Variants in TAS2R1 observed in about 807,000 individuals in gnomAD.
TAS2R1 encodes the protein taste 2 receptor member 1.
For missense variants in TAS2R1, 370 were observed against 353.4 expected, an observed-to-expected ratio of 1.05 and a Z score of -0.38; for synonymous variants, 141 against 134.2, an observed-to-expected ratio of 1.05 and a Z score of -0.35.
intron 1 of TAS2R1, among the ~76,000 whole-genome samples, chr5:9,667,921 C>G (rs146637429): frequency 1.3e-5 from 2 of 152,224 alleles, no homozygotes; most frequent in African/African-American, 4.8e-5. Flanking sequence ...TGGTTCTTAA[C>G]CAGGCTGAAA....
chr5:9,688,362 T>C (rs533761179), intron 1 of TAS2R1, among the ~76,000 whole-genome samples: 19 of 152,226 alleles, frequency 1.2e-4, no homozygotes, highest in Admixed American at 1.3e-4. Context: ...ACTACTATCA[T>C]GTAACAAAAG....
chr5:9,722,574 A>G, the TAS2R1 span, among the ~76,000 whole-genome samples: 1 of 152,220 alleles, frequency 6.6e-6, no homozygotes, highest in Non-Finnish European at 1.5e-5. Context: ...GCTAAGCTTC[A>G]GCATTGTGGG....
chr5:9,741,813 G>T, the TAS2R1 span, among the ~76,000 whole-genome samples: 50,684 of 151,958 alleles, frequency 0.33, 8,950 homozygotes, highest in East Asian at 0.41. Flanking sequence ...ATTCTTGAAG[G>T]TCGGTTTCTC....
the TAS2R1 span, among the ~76,000 whole-genome samples, chr5:9,897,594 T>A: frequency 6.6e-6 from 1 of 152,252 alleles, no homozygotes; most frequent in African/African-American, 2.4e-5. Context: ...TTGACTTCAA[T>A]AACTTTCCTG....
At chr5:9,711,923 C>T in intron 1 of TAS2R1, among the ~76,000 whole-genome samples, 1 of 151,506 alleles carries the variant, frequency 6.6e-6, no homozygotes. Context: ...ACCTCGGCCT[C>T]CTGAAGTGCT....
At chr5:9,844,111 G>T in the TAS2R1 span, among the ~76,000 whole-genome samples, 116 of 152,202 alleles carry the variant, frequency 7.6e-4, no homozygotes, top group South Asian at 5.0e-3. Context: ...GTATTCTACT[G>T]GTGAGAAGGA....
the TAS2R1 span, among the ~76,000 whole-genome samples, chr5:9,801,763 C>T: frequency 6.6e-6 from 1 of 152,180 alleles, no homozygotes. Flanking sequence ...TGCTGGCTTT[C>T]CCACACTTTC....
At chr5:9,867,444 T>A in the TAS2R1 span, among the ~76,000 whole-genome samples, 54 of 151,994 alleles carry the variant, frequency 3.6e-4, no homozygotes, top group Middle Eastern at 3.4e-3. Flanking sequence ...CAGGAAAGAG[T>A]GTATGCAAGG....
chr5:9,635,632 T>A (rs1739949850), intron 2 of TAS2R1, among the ~76,000 whole-genome samples: 1 of 152,036 alleles, frequency 6.6e-6, no homozygotes, highest in South Asian at 2.1e-4. Context: ...TTGCCACTTG[T>A]TATTTGTCTG....
chr5:9,742,975 C>T, the TAS2R1 span, among the ~76,000 whole-genome samples: 1 of 152,030 alleles, frequency 6.6e-6, no homozygotes, highest in Non-Finnish European at 1.5e-5. Context: ...TGATGAATAA[C>T]TGATCCACAT....
chr5:9,830,416 T>C, the TAS2R1 span, among the ~76,000 whole-genome samples: 1 of 151,280 alleles, frequency 6.6e-6, no homozygotes, highest in Non-Finnish European at 1.5e-5. Flanking sequence ...ATGATAGACA[T>C]AGAAAGATAG....
chr5:9,806,619 G>A, the TAS2R1 span, among the ~76,000 whole-genome samples: 280 of 151,990 alleles, frequency 1.8e-3, 1 homozygote, highest in Middle Eastern at 6.8e-3. Flanking sequence ...ATTGATTTTC[G>A]GCCAAGCAAA....
At chr5:9,785,710 G>A in the TAS2R1 span, among the ~76,000 whole-genome samples, 2 of 152,078 alleles carry the variant, frequency 1.3e-5, no homozygotes, top group Non-Finnish European at 2.9e-5. Flanking sequence ...TATCTTACCA[G>A]CCCAAGGAGG....
the TAS2R1 span, among the ~76,000 whole-genome samples, chr5:9,732,784 T>C: frequency 6.6e-6 from 1 of 152,198 alleles, no homozygotes; most frequent in Non-Finnish European, 1.5e-5. Flanking sequence ...ATGGGATATG[T>C]ATATAAAGAG....
the TAS2R1 span, among the ~76,000 whole-genome samples, chr5:9,721,436 G>A: frequency 6.6e-6 from 1 of 152,170 alleles, no homozygotes; most frequent in African/African-American, 2.4e-5. Flanking sequence ...CCAATCCTAA[G>A]TCACAGCATT....
the TAS2R1 span, among the ~76,000 whole-genome samples, chr5:9,892,620 T>C: frequency 6.6e-6 from 1 of 152,114 alleles, no homozygotes; most frequent in East Asian, 1.9e-4. Flanking sequence ...TGAGAACCAG[T>C]TATCTAGGCT....
chr5:9,659,080 T>C (rs147814541), intron 2 of TAS2R1, among the ~76,000 whole-genome samples: 25 of 152,306 alleles, frequency 1.6e-4, no homozygotes, highest in African/African-American at 5.3e-4. Flanking sequence ...AATAAATCTG[T>C]CTGTTATTAA....
the TAS2R1 span, among the ~76,000 whole-genome samples, chr5:9,781,647 C>A: frequency 1.3e-5 from 2 of 152,210 alleles, no homozygotes; most frequent in Non-Finnish European, 2.9e-5. Context: ...ACAACACTGT[C>A]CTCCCTGTGT....
the TAS2R1 span, among the ~76,000 whole-genome samples, chr5:9,862,665 T>G: frequency 6.6e-6 from 1 of 152,162 alleles, no homozygotes; most frequent in Non-Finnish European, 1.5e-5. Flanking sequence ...TGCAGTGGCG[T>G]GATCTCAGCT....
Sources: gnomAD v4.1 joint callset for allele counts (sites outside exome capture counted in the v4.1 genomes callset) on GRCh38, gnomAD v4.1.1 for gene constraint, MANE v1.5 for transcripts, NCBI Gene and HGNC (gene_info 2026-07-23, HGNC 2026-07-21) for gene names.